Variants in AOPEP observed in about 807,000 individuals in gnomAD.
AOPEP encodes aminopeptidase O.
A neutral mutation model predicts 98.1 loss-of-function variants in AOPEP; 77 were observed. The ratio of observed to expected loss-of-function variants is 0.78; its 90% CI spans 0.65 to 0.95. AOPEP has a LOEUF of 0.95. Among genes scored for constraint, AOPEP ranks in the 40% least tolerant of loss-of-function variants. AOPEP has a pLI of 0.00. For missense variants in AOPEP, 1,024 were observed against 1,024.7 expected (o/e 1.00, Z 0.01); for synonymous variants, 346 against 365.3 (o/e 0.95, Z 0.60).
intron 6 of AOPEP, among the ~76,000 whole-genome samples, chr9:94,925,055 G>A (rs1228014420): frequency 2.6e-5 from 4 of 152,122 alleles, no homozygotes; most frequent in Non-Finnish European, 5.9e-5. Flanking sequence ...GCAGTGGCAC[G>A]ATCTTGGCTC....
At chr9:94,877,491 C>T (rs185161508) in intron 5 of AOPEP, among the ~76,000 whole-genome samples, 44 of 148,840 alleles carry the variant, frequency 3.0e-4, no homozygotes, top group African/African-American at 1.1e-3. Context: ...GGTGCGATCT[C>T]GGCTTACTGC....
chr9:94,830,609 G>A (rs1322931749), intron 5 of AOPEP, among the ~76,000 whole-genome samples: 1 of 152,170 alleles, frequency 6.6e-6, no homozygotes, highest in Non-Finnish European at 1.5e-5. Context: ...TCTGCTTCTG[G>A]ATCTTTGAGG....
intron 1 of AOPEP, among the ~76,000 whole-genome samples, chr9:94,758,808 A>G (rs1262711688): frequency 6.6e-6 from 1 of 152,234 alleles, no homozygotes. Flanking sequence ...GATTGCTAGT[A>G]TACAATAAGA....
chr9:95,098,063 T>C, the AOPEP span, among the ~76,000 whole-genome samples: 3 of 152,146 alleles, frequency 2.0e-5, no homozygotes, highest in Non-Finnish European at 4.4e-5. Flanking sequence ...CTGTTTCTCT[T>C]CTTCCTTGGA....
At chr9:94,948,850 A>G (rs538349767) in intron 7 of AOPEP, among the ~76,000 whole-genome samples, 4 of 152,256 alleles carry the variant, frequency 2.6e-5, no homozygotes, top group East Asian at 1.9e-4. Flanking sequence ...TATGCTCCCA[A>G]CTTCACCTCC....
chr9:94,737,307 G>C (rs1269128871), intron 1 of AOPEP, among the ~76,000 whole-genome samples: 1 of 152,036 alleles, frequency 6.6e-6, no homozygotes, highest in African/African-American at 2.4e-5. Flanking sequence ...TGGGGGTCTT[G>C]CTATATTGAC....
chr9:95,040,125 A>C (rs985503574), intron 13 of AOPEP, among the ~76,000 whole-genome samples: 3 of 152,154 alleles, frequency 2.0e-5, no homozygotes, highest in Non-Finnish European at 4.4e-5. Flanking sequence ...TAGGTAGAGG[A>C]GAGAGGAGGC....
At chr9:94,900,083 C>G (rs1414967661) in intron 5 of AOPEP, among the ~76,000 whole-genome samples, 1 of 152,138 alleles carries the variant, frequency 6.6e-6, no homozygotes, top group East Asian at 1.9e-4. Flanking sequence ...TTAGAAACCA[C>G]AGTTATAATA....
chr9:94,801,273 C>G (rs1848169139), intron 5 of AOPEP, among the ~76,000 whole-genome samples: 1 of 152,236 alleles, frequency 6.6e-6, no homozygotes, highest in African/African-American at 2.4e-5. Flanking sequence ...ATAGTGCCCC[C>G]TGAGTGGTGA....
intron 14 of AOPEP, among the ~76,000 whole-genome samples, chr9:95,065,818 G>A (rs2067830764): frequency 6.6e-6 from 1 of 152,156 alleles, no homozygotes; most frequent in Non-Finnish European, 1.5e-5. Context: ...CAGGTACAGG[G>A]GTCTGGCTTA....
intron 5 of AOPEP, among the ~76,000 whole-genome samples, chr9:94,920,487 G>A (rs1422392660): frequency 6.6e-6 from 1 of 152,180 alleles, no homozygotes; most frequent in Non-Finnish European, 1.5e-5. Flanking sequence ...TGTGGCAGCA[G>A]CATCTAGCCA....
chr9:94,976,503 A>G (rs1461062912), intron 10 of AOPEP, among the ~76,000 whole-genome samples: 2 of 152,164 alleles, frequency 1.3e-5, no homozygotes, highest in Admixed American at 6.5e-5. Flanking sequence ...TCTCTGGGAT[A>G]TTTAACCTCA....
At chr9:95,134,019 C>A in the AOPEP span, among the ~76,000 whole-genome samples, 1 of 152,192 alleles carries the variant, frequency 6.6e-6, no homozygotes, top group South Asian at 2.1e-4. Flanking sequence ...CTCTCTCAGT[C>A]TTAATATACA....
At chr9:94,929,524 C>T (rs538547700) in intron 7 of AOPEP, among the ~76,000 whole-genome samples, 5 of 152,394 alleles carry the variant, frequency 3.3e-5, no homozygotes, top group South Asian at 2.1e-4. Context: ...TGCGCTTGCA[C>T]GCTAAGGCGG....
chr9:94,954,276 ATCGCACCACTGCGCTCCAGCCTGGG>A (rs1268895590), intron 7 of AOPEP, among the ~76,000 whole-genome samples: 1 of 152,140 alleles, frequency 6.6e-6, no homozygotes, highest in African/African-American at 2.4e-5. Context: ...GTGAGCCAAG[ATCGCACCACTGCGCTCCAGCCTGGG>A]TGATGGGAGT....
At chr9:95,009,293 C>CGT (rs1564517216) in intron 13 of AOPEP, among the ~76,000 whole-genome samples, 13 of 10,844 alleles carry the variant, frequency 1.2e-3, no homozygotes. Context: ...TAAATATATA[C>CGT]ATATAATATA....
At chr9:94,895,850 G>A (rs1113967) in intron 5 of AOPEP, among the ~76,000 whole-genome samples, 129,580 of 152,190 alleles carry the variant, frequency 0.85, 56,839 homozygotes, top group Non-Finnish European at 0.95. Context: ...CCCTGCACTC[G>A]GCTGTGCTTT....
the AOPEP span, among the ~76,000 whole-genome samples, chr9:95,139,601 G>C: frequency 6.6e-6 from 1 of 151,962 alleles, no homozygotes; most frequent in African/African-American, 2.4e-5. Flanking sequence ...GTCCTGCGAG[G>C]GGTATTTAAG....
chr9:94,765,313 AT>A (rs1300172777), intron 2 of AOPEP, among the ~76,000 whole-genome samples: 32 of 151,862 alleles, frequency 2.1e-4, no homozygotes, highest in East Asian at 9.7e-4. Context: ...ATATAAAAAA[AT>A]ATATGCCAGA....
Sources: allele counts gnomAD v4.1 joint callset (sites outside exome capture counted in the v4.1 genomes callset), GRCh38; gene constraint gnomAD v4.1.1; transcripts MANE v1.5; gene names NCBI Gene and HGNC (gene_info 2026-07-23, HGNC 2026-07-21).